Variants in GPC1 observed in about 807,000 individuals in gnomAD.
GPC1 encodes the protein glypican-1.
In GPC1, 26 loss-of-function variants were observed where a neutral mutation model predicts 51.5. That is an observed-to-expected ratio of 0.50 (90% confidence interval 0.37 to 0.70). GPC1 has a LOEUF of 0.70. Ranked by LOEUF, GPC1 falls within the 30% of genes least tolerant of loss-of-function variation. The pLI is 0.00. For missense variants in GPC1, 775 were observed against 800.5 expected, an observed-to-expected ratio of 0.97 and a Z score of 0.38; for synonymous variants, 380 against 348.3, an observed-to-expected ratio of 1.09 and a Z score of -1.01.
chr2:240,466,665 T>G lies in GPC1; in HGVS notation c.*375T>G. On this transcript the variant is annotated 3_prime_UTR_variant, in exon 9 of 9. Transcript: ENST00000264039. ...CTGGAGCCCACAGCGAGCCTGTGCC[T>G]TCCTCCCCGCCTCCTCCCACTGGGA... The G allele has an allele frequency of 1.0e-5, 2 of 198,762 alleles. No homozygotes were observed. The highest frequency in any genetic ancestry group is 1.0e-5 in the Non-Finnish European group (1 of 99,292). 12.3% of individuals were successfully genotyped at this position (198,762 alleles called of 1,614,324 possible). A position where few individuals can be genotyped will look rare whatever the true frequency, so the allele number is the denominator to read the frequency against.
chr2:240,436,952 A>G (rs1042346225), intron 1 of GPC1, among the ~76,000 whole-genome samples: 2 of 152,216 alleles, frequency 1.3e-5, no homozygotes, highest in African/African-American at 2.4e-5. Context: ...TGGGGACAGA[A>G]GTGTACGGGT....
At chr2:240,445,788 C>T (rs967973388) in intron 1 of GPC1, among the ~76,000 whole-genome samples, 13 of 152,182 alleles carry the variant, frequency 8.5e-5, no homozygotes, top group Admixed American at 2.0e-4. Context: ...TAGACGTCGC[C>T]GCTGTTTATG....
chr2:240,464,802 C>T (rs747861137), intron 5 of GPC1, 54 bp from the exon 6 acceptor site: 2 of 1,570,876 alleles, frequency 1.3e-6, no homozygotes, highest in Non-Finnish European at 8.6e-7. Context: ...GATGTGGCCC[C>T]ATTGGGCTTG....
intron 1 of GPC1, among the ~76,000 whole-genome samples, chr2:240,440,068 T>C (rs1351200275): frequency 6.6e-6 from 1 of 152,128 alleles, no homozygotes; most frequent in African/African-American, 2.4e-5. Context: ...AAGGGAATAA[T>C]CGTGACCTCC....
At chr2:240,438,230 C>T (rs573594297) in intron 1 of GPC1, among the ~76,000 whole-genome samples, 163 of 152,326 alleles carry the variant, frequency 1.1e-3, no homozygotes, top group African/African-American at 3.7e-3. Context: ...CAGTCGGTGC[C>T]CCTCCGACAG....
rs367668614 is a variant in GPC1, at chr2:240,462,463, C to G, written c.598C>G (p.Arg200Gly). Residue 200 changes from arginine to glycine, a missense_variant, in exon 3 of 9, where the codon CGG becomes GGG. By Grantham distance (125) the Arg-to-Gly change is moderately radical. Coordinates refer to ENST00000264039, the MANE Select transcript of GPC1 (RefSeq NM_002081.3). ...DCLGKQAEAL[R>G]PFGEAPRELR... ...CCTGGGCAAGCAGGCCGAGGCGCTG[C>G]GGCCCTTCGGGGAGGCCCCGAGAGA... The G allele has an allele frequency of 6.2e-7, 1 of 1,603,984 alleles. No homozygotes were observed. Among genetic ancestry groups the G allele is most frequent in the Non-Finnish European group, 8.5e-7 (1 of 1,176,788 alleles).
chr2:240,438,316 G>A (rs907197112), intron 1 of GPC1, among the ~76,000 whole-genome samples: 2 of 152,220 alleles, frequency 1.3e-5, no homozygotes, highest in African/African-American at 4.8e-5. Context: ...AGAAGACAGT[G>A]TGGGAGCCAC....
intron 8 of GPC1, 101 bp from the exon 9 acceptor site, chr2:240,465,957 C>G: frequency 2.9e-6 from 2 of 692,286 alleles, no homozygotes; most frequent in Non-Finnish European, 4.9e-6. Context: ...GATTCCACAC[C>G]GAAAGGATGT....
rs776536728 is a variant in GPC1, at chr2:240,465,576, A to T, written c.1372A>T (p.Met458Leu). 6.2e-7 allele frequency: 1 copy of T among 1,613,142 alleles called. No individual in the cohort carries two copies. Among genetic ancestry groups the T allele is most frequent in the Non-Finnish European group, 8.5e-7 (1 of 1,179,958 alleles). Reference protein sequence around the residue: ...KPDMTIRQQIMQLKIMTNRLR... With the variant: ...KPDMTIRQQILQLKIMTNRLR... ...GGACATGACCATCCGGCAGCAGATC[A>T]TGCAGCTGAAGATCATGACCAACCG... The change falls in exon 8 of 9, where the codon ATG (methionine) becomes TTG (leucine). Residue 458 changes from methionine to leucine, a missense_variant. Physicochemically the swap from Met to Leu is conservative, Grantham distance 15. Coordinates refer to ENST00000264039, the MANE Select transcript of GPC1 (RefSeq NM_002081.3).
Position 240,465,498 on chromosome 2 carries a change from G to A in GPC1, c.1294G>A (p.Gly432Ser), listed in dbSNP as rs775834849. The change falls in exon 8 of 9, where the codon GGC becomes AGC. Residue 432 changes from glycine (G) to serine (S), a missense_variant. By Grantham distance (56) the Gly-to-Ser change is moderately conservative (BLOSUM62 0). Coordinates refer to ENST00000264039, the MANE Select transcript of GPC1 (RefSeq NM_002081.3). Reference sequence around the variant, plus strand: ...GTACCTCCCCGAGGTCATGGGTGACGGCCTGGCCAACCAGATCAACAACCC... The same window carrying A: ...GTACCTCCCCGAGGTCATGGGTGACAGCCTGGCCAACCAGATCAACAACCC... ...GRYLPEVMGD[G>S]LANQINNPEV... 9 of 1,612,986 alleles carry A rather than the reference G, an allele frequency of 5.6e-6. No individual in the cohort carries two copies. The highest frequency in any genetic ancestry group is 7.6e-6 in the Non-Finnish European group (9 of 1,179,988).
rs2074264847 is a variant in GPC1 at position 240,466,724 on chromosome 2, A to C, written c.*434A>C. ...AGAGCCCACCAGCCAGCCCTGGCCC[A>C]CCCCCCAGCCTCCAGAGAAGCCCCG... On this transcript the variant is annotated 3_prime_UTR_variant, in exon 9 of 9. Coordinates refer to ENST00000264039, the MANE Select transcript of GPC1 (RefSeq NM_002081.3). 6.0e-6 allele frequency: 1 copy of C among 166,280 alleles called. No individual in the cohort carries two copies. The highest frequency in any genetic ancestry group is 1.3e-5 in the Non-Finnish European group (1 of 78,296). The allele number at this position is 166,280 out of a possible 1,614,324, so 10.3% of individuals were successfully genotyped here.
intron 1 of GPC1, chr2:240,458,240 A>G (rs2074186745): frequency 2.7e-6 from 1 of 373,970 alleles, no homozygotes; most frequent in African/African-American, 2.1e-5. Flanking sequence ...GTGGGCCCTG[A>G]GGTGTGCACA....
Position 240,464,682 on chromosome 2 carries a change from T to G in GPC1, c.950T>G (p.Val317Gly). The change falls in exon 5 of 9, where the codon GTG becomes GGG. Residue 317 changes from valine (V) to glycine (G), a missense_variant. Transcript: ENST00000264039. The stretch of plus-strand genomic sequence containing the variant: ...GGTGTGGAGAGTGTCATCGGCAGCG[T>G]GCACACGTGGCTGGCGGAGGCCATC... ...TSGVESVIGS[V>G]HTWLAEAINA... The G allele has an allele frequency of 6.2e-7, 1 of 1,613,106 alleles. No homozygotes were observed. Among genetic ancestry groups the G allele is most frequent in the South Asian group, 1.1e-5 (1 of 91,062 alleles).
chr2:240,455,472 G>A (rs757474716), intron 1 of GPC1, among the ~76,000 whole-genome samples: 7 of 152,196 alleles, frequency 4.6e-5, no homozygotes, highest in Non-Finnish European at 1.0e-4. Context: ...CTGCACGGGG[G>A]GAAGGGGATG....
chr2:240,446,197 C>A (rs13419708), intron 1 of GPC1, among the ~76,000 whole-genome samples: 1 of 151,884 alleles, frequency 6.6e-6, no homozygotes. Context: ...GGGGGAACGT[C>A]GTGGGGAGTC....
intron 1 of GPC1, chr2:240,450,527 G>A (rs898300761): frequency 2.9e-5 from 13 of 454,234 alleles, no homozygotes; most frequent in Non-Finnish European, 6.0e-5. Context: ...GAAATGACTC[G>A]GCTTAACCCC....
intron 2 of GPC1, among the ~76,000 whole-genome samples, chr2:240,459,789 C>T (rs561589862): frequency 4.5e-4 from 68 of 152,310 alleles, no homozygotes; most frequent in Non-Finnish European, 8.1e-4. Flanking sequence ...GGCTGGGCCT[C>T]GCCTTGTGTC....
chr2:240,449,663 T>A (rs1484306057), intron 1 of GPC1: 5 of 343,054 alleles, frequency 1.5e-5, no homozygotes, highest in Non-Finnish European at 2.9e-5. Context: ...AGGACCCTTT[T>A]CATCTTGTAA....
chr2:240,463,622 C>G, intron 4 of GPC1, 110 bp downstream of exon 4: 1 of 902,554 alleles, frequency 1.1e-6, no homozygotes. Flanking sequence ...GGGACCTGAT[C>G]AGGGATGCCC....
Sources: allele counts gnomAD v4.1 joint callset (sites outside exome capture counted in the v4.1 genomes callset), GRCh38; gene constraint gnomAD v4.1.1; transcripts MANE v1.5; gene names NCBI Gene and HGNC (gene_info 2026-07-23, HGNC 2026-07-21).